Variants in LRRC56 observed in about 807,000 individuals in gnomAD.
LRRC56 encodes leucine-rich repeat-containing protein 56.
In LRRC56, 41 loss-of-function variants were observed where a neutral mutation model predicts 47.8. That is an observed-to-expected ratio of 0.86 (90% CI 0.67 to 1.11). The LOEUF (loss-of-function observed/expected upper bound fraction) is 1.11, where lower values mean the gene tolerates loss of function less well. Among genes scored for constraint, LRRC56 ranks in the 50% most tolerant of loss-of-function variants. LRRC56 has a pLI of 0.00. For missense variants in LRRC56, 759 were observed against 704.2 expected (o/e 1.08, Z -0.88); for synonymous variants, 387 against 311.2 (o/e 1.24, Z -2.56).
intron 6 of LRRC56, among the ~76,000 whole-genome samples, chr11:549,368 C>T (rs1023306166): frequency 1.2e-4 from 18 of 152,252 alleles, no homozygotes; most frequent in Admixed American, 5.2e-4. Flanking sequence ...ACAGTGGGAA[C>T]AGGGTGGGCC....
chr11:549,977 C>T lies in LRRC56; in HGVS notation c.402C>T (p.Ile134=), dbSNP rs765896046. ...GTGGCCTCGCTGACCTGGATGGCATCGCCTCTTTGCCAGCACTTAAGGTGA... is the reference window on the plus strand; with the variant it reads ...GTGGCCTCGCTGACCTGGATGGCATTGCCTCTTTGCCAGCACTTAAGGTGA... ...ARCGLADLDG[I]ASLPALKELY... Residue 134 remains isoleucine, a synonymous_variant, in exon 7 of 14, where the codon ATC becomes ATT. Transcript: ENST00000270115. 1.9e-6 allele frequency: 3 copies of T among 1,612,646 alleles called. No homozygotes were observed. The highest frequency in any genetic ancestry group is 1.3e-5 in the African/African-American group (1 of 74,926).
At position 553,958 on chromosome 11, in the gene LRRC56, T is replaced by C; in HGVS notation, c.1316-5T>C. On this transcript the variant is annotated splice_region_variant and splice_polypyrimidine_tract_variant and intron_variant, in intron 13 of 13. Coordinates refer to ENST00000270115, the MANE Select transcript of LRRC56 (RefSeq NM_198075.4). ...TGACGTCCCATCACTCTGCTTGCTT[T>C]CTAGAGCCCTCCGGGACCTCGAGCC... 1.2e-6 allele frequency: 2 copies of C among 1,609,644 alleles called. No individual in the cohort carries two copies. Among genetic ancestry groups the C allele is most frequent in the South Asian group, 2.2e-5 (2 of 90,876 alleles).
the LRRC56 span, among the ~76,000 whole-genome samples, chr11:521,851 G>C: frequency 6.6e-5 from 10 of 151,626 alleles, no homozygotes; most frequent in East Asian, 1.8e-3. Flanking sequence ...GGAGGCAGAG[G>C]TTGCAGTGAG....
At chr11:517,685 C>A in the LRRC56 span, among the ~76,000 whole-genome samples, 2 of 152,130 alleles carry the variant, frequency 1.3e-5, no homozygotes, top group African/African-American at 4.8e-5. Flanking sequence ...CAGCGACCAT[C>A]GAGAACGGGC....
At chr11:553,659 C>G (rs570678138) in intron 13 of LRRC56, among the ~76,000 whole-genome samples, 1 of 152,304 alleles carries the variant, frequency 6.6e-6, no homozygotes, top group Admixed American at 6.5e-5. Flanking sequence ...GGTCAGGACA[C>G]AGATGACCGA....
At chr11:514,285 C>G in the LRRC56 span, among the ~76,000 whole-genome samples, 1 of 151,094 alleles carries the variant, frequency 6.6e-6, no homozygotes, top group Non-Finnish European at 1.5e-5. Context: ...TGAGCCACCA[C>G]CCCCAGCCAT....
the LRRC56 span, among the ~76,000 whole-genome samples, chr11:523,625 T>TA: frequency 5.1e-3 from 678 of 133,036 alleles, 2 homozygotes; most frequent in Middle Eastern, 0.012. Context: ...AGACTCCATC[T>TA]AAAAAAAAAA....
the LRRC56 span, among the ~76,000 whole-genome samples, chr11:526,213 TAAAATA>T: frequency 6.6e-6 from 1 of 151,890 alleles, no homozygotes; most frequent in East Asian, 1.9e-4. Flanking sequence ...TCAAAAGTAA[TAAAATA>T]AAAACAAAAC....
rs933376487 is a variant in LRRC56, at chr11:554,506, C to T, written c.*230C>T. On this transcript the variant is annotated 3_prime_UTR_variant, in exon 14 of 14. Coordinates refer to ENST00000270115, the MANE Select transcript of LRRC56 (RefSeq NM_198075.4). ...TGGGTTTGGCCTGGGGAGGGAGGGTCCGGCTCCCCAGCCCTTCCTTAGGGC... is the reference window on the plus strand; with the variant it reads ...TGGGTTTGGCCTGGGGAGGGAGGGTTCGGCTCCCCAGCCCTTCCTTAGGGC... 6 of 431,570 alleles carry T rather than the reference C, an allele frequency of 1.4e-5. No individual in the cohort carries two copies. The Admixed American group carries it at 2.4e-4, about 17-fold the overall frequency. 26.7% of individuals were successfully genotyped at this position (431,570 alleles called of 1,614,324 possible).
the LRRC56 span, chr11:507,033 C>T: frequency 2.0e-5 from 3 of 152,254 alleles, no homozygotes; most frequent in East Asian, 1.9e-4. Context: ...TAGCGCCAGG[C>T]CCGCGTCTAC....
the LRRC56 span, among the ~76,000 whole-genome samples, chr11:525,204 G>A: frequency 3.8e-4 from 58 of 151,418 alleles, 1 homozygote; most frequent in South Asian, 8.4e-4. Flanking sequence ...GGGAGTTTGA[G>A]ACCAGCCTGG....
upstream of LRRC56, chr11:533,641 C>CG (rs1564789221): frequency 1.2e-6 from 2 of 1,613,432 alleles, no homozygotes; most frequent in South Asian, 2.2e-5. Flanking sequence ...GAGCTGGCTA[C>CG]GGGGGCTGCA....
At position 549,921 on chromosome 11, in the gene LRRC56, G is replaced by A. The variant is rs2134058561; in HGVS notation, c.346G>A (p.Gly116Ser). The change falls in exon 7 of 14, where the codon GGC (glycine) becomes AGC (serine). Residue 116 changes from glycine (G) to serine (S), a missense_variant. Coordinates refer to ENST00000270115, the MANE Select transcript of LRRC56 (RefSeq NM_198075.4). ...GSLRDLGTSL[G>S]HLQVLWLARC... ...CTGCAGGGACTTGGGCACGTCTCTG[G>A]GCCACCTGCAGGTGCTGTGGCTGGC... 6.2e-7 allele frequency: 1 copy of A among 1,613,076 alleles called. No individual in the cohort carries two copies. Among genetic ancestry groups the A allele is most frequent in the Admixed American group, 1.7e-5 (1 of 60,032 alleles).
chr11:509,006 C>G, the LRRC56 span, among the ~76,000 whole-genome samples: 1 of 152,246 alleles, frequency 6.6e-6, no homozygotes, highest in South Asian at 2.1e-4. Flanking sequence ...GATCGTGCCA[C>G]TGTACTCCAG....
chr11:534,054 G>C, upstream of LRRC56: 2 of 1,311,988 alleles, frequency 1.5e-6, no homozygotes, highest in Admixed American at 1.7e-5. Context: ...CTCCTCTCCT[G>C]GGGTGCTGAG....
chr11:529,958 C>A, the LRRC56 span, among the ~76,000 whole-genome samples: 42 of 152,286 alleles, frequency 2.8e-4, no homozygotes, highest in Admixed American at 2.5e-3. Flanking sequence ...TCCGTGGAGC[C>A]CAGGGCAGTG....
chr11:532,288 G>A, the LRRC56 span: 2 of 470,922 alleles, frequency 4.2e-6, no homozygotes, highest in East Asian at 3.7e-5. Context: ...TGCCCGACAA[G>A]GGCCCACAGA....
upstream of LRRC56, chr11:532,842 C>T: frequency 1.4e-6 from 2 of 1,392,244 alleles, no homozygotes; most frequent in South Asian, 2.3e-5. Flanking sequence ...TCAAGCCTTG[C>T]CTGGCCCGAA....
At chr11:552,745 C>T in intron 13 of LRRC56, 43 bp downstream of exon 13, 3 of 1,544,530 alleles carry the variant, frequency 1.9e-6, no homozygotes, top group Non-Finnish European at 8.8e-7. Flanking sequence ...TGGGAGTGAC[C>T]AACACCCCAC....
Sources: gnomAD v4.1 joint callset for allele counts (sites outside exome capture counted in the v4.1 genomes callset) on GRCh38, gnomAD v4.1.1 for gene constraint, MANE v1.5 for transcripts, NCBI Gene and HGNC (gene_info 2026-07-23, HGNC 2026-07-21) for gene names.